Variants in SLC35F4 observed in about 807,000 individuals in gnomAD.
The protein encoded by SLC35F4 is chromosome 14 open reading frame 36.
SLC35F4 carries 24 observed loss-of-function variants against 44.2 expected under a neutral mutation model. The observed-to-expected ratio is 0.54, with a 90% CI of 0.39 to 0.76. The LOEUF (loss-of-function observed/expected upper bound fraction) is 0.76. SLC35F4 is among the 30% of genes least tolerant of loss of function. SLC35F4 has a pLI of 0.00. For missense variants in SLC35F4, 562 were observed against 586.1 expected (o/e 0.96, Z 0.42); for synonymous variants, 238 against 223.6 (o/e 1.06, Z -0.57).
chr14:57,875,102 GGCT>G, intron 1 of SLC35F4, among the ~76,000 whole-genome samples: 1 of 152,012 alleles, frequency 6.6e-6, no homozygotes, highest in Middle Eastern at 3.2e-3. Flanking sequence ...TCATAGCATG[GGCT>G]CAATTTGATA....
chr14:57,815,794 T>C (rs1371987102), intron 1 of SLC35F4, among the ~76,000 whole-genome samples: 1 of 152,162 alleles, frequency 6.6e-6, no homozygotes, highest in Middle Eastern at 3.2e-3. Context: ...TTACCAACCT[T>C]GCCAGCAATA....
At chr14:57,786,465 C>T (rs1190304118) in intron 1 of SLC35F4, among the ~76,000 whole-genome samples, 3 of 152,184 alleles carry the variant, frequency 2.0e-5, no homozygotes, top group Non-Finnish European at 4.4e-5. Flanking sequence ...CCAACTGGCA[C>T]AAAAACCGAG....
chr14:57,906,080 G>A (rs1048916561), intron 1 of SLC35F4, among the ~76,000 whole-genome samples: 1 of 152,172 alleles, frequency 6.6e-6, no homozygotes, highest in African/African-American at 2.4e-5. Context: ...TGAGGACAGT[G>A]TGCATCCCCC....
intron 1 of SLC35F4, among the ~76,000 whole-genome samples, chr14:57,775,309 T>A (rs1274057769): frequency 6.6e-6 from 1 of 152,234 alleles, no homozygotes; most frequent in Non-Finnish European, 1.5e-5. Context: ...ACCACACTGC[T>A]GCTGCCACTG....
chr14:57,905,138 G>A (rs1380063928), intron 1 of SLC35F4, among the ~76,000 whole-genome samples: 1 of 152,158 alleles, frequency 6.6e-6, no homozygotes, highest in Non-Finnish European at 1.5e-5. Flanking sequence ...TTACCAATCT[G>A]AATTATTAAC....
At chr14:57,846,488 G>A (rs1356763218) in intron 1 of SLC35F4, among the ~76,000 whole-genome samples, 1 of 152,158 alleles carries the variant, frequency 6.6e-6, no homozygotes, top group African/African-American at 2.4e-5. Flanking sequence ...TCTAGCCCAA[G>A]TCACAGGACA....
At chr14:57,780,403 G>A (rs1272455558) in intron 1 of SLC35F4, among the ~76,000 whole-genome samples, 1 of 151,654 alleles carries the variant, frequency 6.6e-6, no homozygotes, top group Admixed American at 6.6e-5. Flanking sequence ...TCTACAATAA[G>A]AATTACAAAA....
chr14:57,599,018 C>G (rs2070660689), intron 1 of SLC35F4, among the ~76,000 whole-genome samples: 1 of 152,208 alleles, frequency 6.6e-6, no homozygotes, highest in African/African-American at 2.4e-5. Context: ...TCAGGTAAAT[C>G]ACTTGACCTC....
chr14:57,654,279 T>A (rs562844426), intron 1 of SLC35F4, among the ~76,000 whole-genome samples: 4 of 152,204 alleles, frequency 2.6e-5, no homozygotes, highest in Admixed American at 2.6e-4. Context: ...TAATCCATTG[T>A]ATCATTCTTA....
At chr14:57,632,985 C>A (rs769923118) in intron 1 of SLC35F4, among the ~76,000 whole-genome samples, 3 of 152,058 alleles carry the variant, frequency 2.0e-5, no homozygotes, top group Non-Finnish European at 4.4e-5. Context: ...TGGACTCATG[C>A]AGTATATAGA....
chr14:57,862,316 G>A (rs550138208), intron 1 of SLC35F4, among the ~76,000 whole-genome samples: 12 of 152,172 alleles, frequency 7.9e-5, no homozygotes, highest in South Asian at 2.1e-4. Flanking sequence ...TCTCACCTAC[G>A]TTATCACAAT....
At chr14:57,609,453 G>T (rs527960312) in intron 1 of SLC35F4, among the ~76,000 whole-genome samples, 7 of 152,196 alleles carry the variant, frequency 4.6e-5, no homozygotes, top group Non-Finnish European at 7.4e-5. Flanking sequence ...CTTAGCCAGA[G>T]ATAAGGAAAA....
chr14:57,788,946 A>T (rs2140790454), intron 1 of SLC35F4, among the ~76,000 whole-genome samples: 1 of 152,308 alleles, frequency 6.6e-6, no homozygotes, highest in South Asian at 2.1e-4. Flanking sequence ...AGAAATAAAT[A>T]AGCTCTTTGA....
Position 57,700,065 on chromosome 14 carries a change from C to T in SLC35F4, c.104-105941G>A, listed in dbSNP as rs146718017. ...TTTTTTCCTATACAATCTTAAGTTGCTTAATGATGAGGATACTTTCTAAGA... is the reference window on the plus strand; with the variant it reads ...TTTTTTCCTATACAATCTTAAGTTGTTTAATGATGAGGATACTTTCTAAGA... On this transcript the variant is annotated intron_variant, in intron 1 of 7. Transcript: ENST00000556826. Among the ~76,000 whole-genome samples, 386 of 152,254 alleles carry T rather than the reference C, an allele frequency of 2.5e-3. 2 individuals carry two copies. The highest frequency in any genetic ancestry group is 0.021 in the South Asian group (103 of 4,824).
In SLC35F4 at chr14:57,898,900, G is replaced by T. The variant is rs372152514; in HGVS notation, n.282+83013C>A. Among the ~76,000 whole-genome samples, 24 of 152,286 alleles carry T rather than the reference G, an allele frequency of 1.6e-4. No homozygotes were observed. In the East Asian group the frequency reaches 2.7e-3, roughly 17 times the overall value. On this transcript the variant is annotated intron_variant and non_coding_transcript_variant, in intron 1 of 1. Coordinates refer to the SLC35F4 transcript ENST00000556568. ...TGGCTTAAAGCCAGTTTGGAAAGGG[G>T]TTGGAGTCTCCAGAAGAGCTGCAGG...
At chr14:57,784,675 C>T (rs1307331373) in intron 1 of SLC35F4, among the ~76,000 whole-genome samples, 1 of 152,050 alleles carries the variant, frequency 6.6e-6, no homozygotes, top group Non-Finnish European at 1.5e-5. Context: ...TCTGTCTCTT[C>T]AAACACAACA....
intron 1 of SLC35F4, among the ~76,000 whole-genome samples, chr14:57,794,140 T>C (rs1267775227): frequency 1.3e-5 from 2 of 152,130 alleles, no homozygotes; most frequent in Non-Finnish European, 2.9e-5. Context: ...CTTCTGGACA[T>C]TGGCATAGGC....
intron 1 of SLC35F4, among the ~76,000 whole-genome samples, chr14:57,792,277 G>A (rs949971049): frequency 3.9e-5 from 6 of 152,102 alleles, no homozygotes; most frequent in Admixed American, 6.6e-5. Flanking sequence ...TGGCATGGAT[G>A]TGGTGATCAG....
At chr14:57,917,081 ATT>A in intron 1 of SLC35F4, among the ~76,000 whole-genome samples, 1 of 151,924 alleles carries the variant, frequency 6.6e-6, no homozygotes, top group East Asian at 1.9e-4. Context: ...GTCTTGCTCT[ATT>A]GCCCAGGCTC....
Sources: gnomAD v4.1 joint callset for allele counts (sites outside exome capture counted in the v4.1 genomes callset) on GRCh38, gnomAD v4.1.1 for gene constraint, MANE v1.5 for transcripts, NCBI Gene and HGNC (gene_info 2026-07-23, HGNC 2026-07-21) for gene names.